IKZF1: variants seen among roughly 807,000 people sequenced by gnomAD.
IKZF1 encodes the protein IKAROS family zinc finger 1, also known as DNA-binding protein Ikaros.
A neutral mutation model predicts 51.7 loss-of-function variants in IKZF1; 10 were observed. The observed-to-expected ratio is 0.19, with a 90% CI of 0.12 to 0.33. IKZF1 has a LOEUF of 0.33. Among genes scored for constraint, IKZF1 ranks in the 10% least tolerant of loss-of-function variants. The probability of loss-of-function intolerance (pLI) is 1.00; values close to 1 mark genes in which losing one functional copy is unlikely to be tolerated. For synonymous variants in IKZF1, 280 were observed against 282.3 expected, an observed-to-expected ratio of 0.99 and a Z score of 0.08; for missense variants, 484 against 707.5, an observed-to-expected ratio of 0.68 and a Z score of 3.58.
rs1378576386 is a variant in IKZF1, at chr7:50,327,725, G to T, written c.128G>T (p.Gly43Val). ...GAGGACCTCTCCACCACCTCGGGAG[G>T]ACAGCAAAGCTCCAAGAGTGACAGA... ...IPEDLSTTSG[G>V]QQSSKSDRVV... Residue 43 changes from glycine to valine, a missense_variant, in exon 3 of 8, where the codon GGA (glycine) becomes GTA (valine). Transcript: ENST00000331340. The T allele has an allele frequency of 4.3e-6, 7 of 1,613,438 alleles. No homozygotes were observed. Among genetic ancestry groups the T allele is most frequent in the Non-Finnish European group, 5.9e-6 (7 of 1,179,724 alleles).
intron 3 of IKZF1, among the ~76,000 whole-genome samples, chr7:50,338,165 T>A (rs1798231263): frequency 6.6e-6 from 1 of 152,232 alleles, no homozygotes; most frequent in East Asian, 1.9e-4. Context: ...CTTGCAGTGA[T>A]GACTATGTGT....
At chr7:50,314,378 G>A (rs1357366379) in intron 1 of IKZF1, among the ~76,000 whole-genome samples, 1 of 152,184 alleles carries the variant, frequency 6.6e-6, no homozygotes, top group African/African-American at 2.4e-5. Flanking sequence ...CCAAAGTGCT[G>A]GGATTACTGG....
In IKZF1 at chr7:50,387,327, C is replaced by G. The variant is rs1187027618; in HGVS notation, c.590-18C>G. ...TGGCATTTAATTGGGGTCTTGAACTCAATTGTGTTTTCTGCAGTTGGTAAA... is the reference window on the plus strand; with the variant it reads ...TGGCATTTAATTGGGGTCTTGAACTGAATTGTGTTTTCTGCAGTTGGTAAA... On this transcript the variant is annotated intron_variant, in intron 5 of 7. Transcript: ENST00000331340. The G allele has an allele frequency of 1.2e-6, 2 of 1,611,132 alleles. No homozygotes were observed. Among genetic ancestry groups the G allele is most frequent in the East Asian group, 4.5e-5 (2 of 44,728 alleles).
chr7:50,380,983 T>C (rs754828256), intron 4 of IKZF1, among the ~76,000 whole-genome samples: 29 of 152,230 alleles, frequency 1.9e-4, no homozygotes, highest in Non-Finnish European at 3.5e-4. Flanking sequence ...GCTTAGCTAA[T>C]ACAGATTTCT....
intron 6 of IKZF1, among the ~76,000 whole-genome samples, chr7:50,389,311 C>CA (rs1814341704): frequency 6.6e-6 from 1 of 152,252 alleles, no homozygotes; most frequent in Non-Finnish European, 1.5e-5. Context: ...AGGTCACTGA[C>CA]ATACTGACAC....
At chr7:50,375,760 A>T (rs1325342963) in intron 3 of IKZF1, among the ~76,000 whole-genome samples, 1 of 144,494 alleles carries the variant, frequency 6.9e-6, no homozygotes, top group Non-Finnish European at 1.5e-5. Context: ...CCCTTTGGAA[A>T]AAAAAGCTCT....
rs1322925397 is a variant in IKZF1, at chr7:50,403,163, T to C, written c.*2536T>C. The C allele has an allele frequency of 4.6e-6, 1 of 219,658 alleles. No homozygotes were observed. The highest frequency in any genetic ancestry group is 2.2e-5 in the African/African-American group (1 of 44,494). The allele number at this position is 219,658 out of a possible 1,614,324, so 13.6% of individuals were successfully genotyped here. ...TCTCTTTGCACACCTTTTGTTGTGG[T>C]TTTATATTGTAACACCATTTTTCTT... On this transcript the variant is annotated 3_prime_UTR_variant, in exon 8 of 8. Transcript: ENST00000331340.
In IKZF1 at chr7:50,401,477, T is replaced by C; in HGVS notation, c.*850T>C. 4.4e-6 allele frequency: 1 copy of C among 224,746 alleles called. No individual in the cohort carries two copies. The highest frequency in any genetic ancestry group is 8.9e-6 in the Non-Finnish European group (1 of 112,584). The allele number at this position is 224,746 out of a possible 1,614,324, so 13.9% of individuals were successfully genotyped here. A position where few individuals can be genotyped will look rare whatever the true frequency, so the allele number is the denominator to read the frequency against. On this transcript the variant is annotated 3_prime_UTR_variant, in exon 8 of 8. Transcript: ENST00000331340. Reference sequence around the variant, plus strand: ...CATACCTTTAATGGCCCCCAAAATCTGTCACTACAATTTAAACACCAGTCC... The same window carrying C: ...CATACCTTTAATGGCCCCCAAAATCCGTCACTACAATTTAAACACCAGTCC...
At chr7:50,381,926 C>G (rs1811952431) in intron 4 of IKZF1, among the ~76,000 whole-genome samples, 2 of 152,206 alleles carry the variant, frequency 1.3e-5, no homozygotes, top group African/African-American at 4.8e-5. Context: ...TCCTCACGCT[C>G]TCTGTCTGTC....
At position 50,403,476 on chromosome 7, in the gene IKZF1, G is replaced by T. The variant is rs946951273; in HGVS notation, c.*2849G>T. 4.4e-6 allele frequency: 1 copy of T among 228,122 alleles called. No homozygotes were observed. Among genetic ancestry groups the T allele is most frequent in the Non-Finnish European group, 8.7e-6 (1 of 114,950 alleles). 14.1% of individuals were successfully genotyped at this position (228,122 alleles called of 1,614,324 possible). A position where few individuals can be genotyped will look rare whatever the true frequency, so the allele number is the denominator to read the frequency against. On this transcript the variant is annotated 3_prime_UTR_variant, in exon 8 of 8. Transcript: ENST00000331340. Reference sequence around the variant, plus strand: ...CCGGAGGGTAACAGGTTGGCCTGTTGATTACAGCTAGTAATCGCTGTGTCT... The same window carrying T: ...CCGGAGGGTAACAGGTTGGCCTGTTTATTACAGCTAGTAATCGCTGTGTCT...
At chr7:50,348,029 AC>A (rs1209879577) in intron 3 of IKZF1, among the ~76,000 whole-genome samples, 1 of 152,280 alleles carries the variant, frequency 6.6e-6, no homozygotes, top group African/African-American at 2.4e-5. Context: ...CATGCAGGGG[AC>A]CAAGGGACAT....
chr7:50,399,898 C>G lies in IKZF1; in HGVS notation c.851-20C>G. ...TCCGGAGGTGGCCGCGCCCCACTCA[C>G]TGTCGCCTGCTTTCCACAGGGGACA... On this transcript the variant is annotated intron_variant, in intron 7 of 7. Transcript: ENST00000331340. 1.9e-6 allele frequency: 3 copies of G among 1,599,658 alleles called. No individual in the cohort carries two copies. The highest frequency in any genetic ancestry group is 2.6e-6 in the Non-Finnish European group (3 of 1,175,208).
At chr7:50,394,664 T>C (rs1027294590) in intron 7 of IKZF1, among the ~76,000 whole-genome samples, 2 of 152,214 alleles carry the variant, frequency 1.3e-5, no homozygotes, top group Non-Finnish European at 2.9e-5. Context: ...AGAAAGCATC[T>C]TAAGAATGTA....
chr7:50,329,347 C>T (rs1455236056), intron 3 of IKZF1, among the ~76,000 whole-genome samples: 5 of 152,002 alleles, frequency 3.3e-5, no homozygotes, highest in Non-Finnish European at 7.4e-5. Context: ...ATTATCTACT[C>T]TATTCTACCA....
chr7:50,343,138 C>A (rs1799472993), intron 3 of IKZF1, among the ~76,000 whole-genome samples: 1 of 103,226 alleles, frequency 9.7e-6, no homozygotes, highest in African/African-American at 6.2e-5. Context: ...CCCTTTCTTT[C>A]TTCCTTCCTT....
At chr7:50,320,968 T>C (rs1011843281) in intron 2 of IKZF1, among the ~76,000 whole-genome samples, 1 of 152,222 alleles carries the variant, frequency 6.6e-6, no homozygotes, top group African/African-American at 2.4e-5. Flanking sequence ...TGAACTAGTA[T>C]GAAAAGAAGT....
intron 3 of IKZF1, among the ~76,000 whole-genome samples, chr7:50,348,798 C>T (rs1157628836): frequency 6.6e-6 from 1 of 152,214 alleles, no homozygotes; most frequent in Non-Finnish European, 1.5e-5. Context: ...ATAAAATGCA[C>T]CAGAACCATG....
At chr7:50,399,589 T>G (rs1266228274) in intron 7 of IKZF1, among the ~76,000 whole-genome samples, 2 of 152,180 alleles carry the variant, frequency 1.3e-5, no homozygotes, top group Non-Finnish European at 2.9e-5. Context: ...TTAAATGAAA[T>G]ACAATAACAT....
At chr7:50,318,300 CT>C (rs376534699) in intron 1 of IKZF1, 8,416 of 191,370 alleles carry the variant, frequency 0.044, no homozygotes, top group East Asian at 0.11. Context: ...TCTTTCTTTT[CT>C]TTTTTTTTTT....
Sources: allele counts gnomAD v4.1 joint callset (sites outside exome capture counted in the v4.1 genomes callset), GRCh38; gene constraint gnomAD v4.1.1; transcripts MANE v1.5; gene names NCBI Gene and HGNC (gene_info 2026-07-23, HGNC 2026-07-21).